The following NPY1R variants were observed in gnomAD, a reference collection of about 807,000 sequenced individuals.
NPY1R encodes neuropeptide Y receptor type 1.
NPY1R carries 10 observed loss-of-function variants against 24.1 expected under a neutral mutation model. That is an observed-to-expected ratio of 0.42 (90% confidence interval 0.26 to 0.71). The LOEUF (loss-of-function observed/expected upper bound fraction) is 0.71, where lower values mean the gene tolerates loss of function less well. Ranked by LOEUF, NPY1R falls within the 30% of genes least tolerant of loss-of-function variation. The pLI is 0.28. For synonymous variants in NPY1R, 168 were observed against 165.9 expected, an observed-to-expected ratio of 1.01 and a Z score of -0.10; for missense variants, 350 against 458.0, an observed-to-expected ratio of 0.76 and a Z score of 2.15.
intron 1 of NPY1R, among the ~76,000 whole-genome samples, chr4:163,332,232 G>A (rs1475330446): frequency 6.6e-6 from 1 of 152,168 alleles, no homozygotes; most frequent in East Asian, 1.9e-4. Context: ...GGAGCAGGTG[G>A]TGGGAAAGCC....
upstream of NPY1R, among the ~76,000 whole-genome samples, chr4:163,337,138 C>G (rs1383732985): frequency 2.6e-5 from 4 of 152,120 alleles, no homozygotes; most frequent in African/African-American, 9.7e-5. Context: ...TCCCCAGATA[C>G]AAATACATCT....
intron 1 of NPY1R, among the ~76,000 whole-genome samples, chr4:163,342,976 T>TCC (rs1735035910): frequency 1.1e-5 from 1 of 92,686 alleles, no homozygotes; most frequent in Non-Finnish European, 2.2e-5. Context: ...TCTCTCTCTC[T>TCC]CACAGACACA....
At chr4:163,334,243 T>G (rs189491230), upstream of NPY1R, among the ~76,000 whole-genome samples, 1 of 152,340 alleles carries the variant, frequency 6.6e-6, no homozygotes, top group East Asian at 1.9e-4. Flanking sequence ...AGTAATTTAA[T>G]TCTCTACTAA....
chr4:163,324,927 C>G lies in NPY1R; in HGVS notation c.*376G>C, dbSNP rs747775513. 1 of 183,956 alleles carries G rather than the reference C, an allele frequency of 5.4e-6. No individual in the cohort carries two copies. The highest frequency in any genetic ancestry group is 1.2e-5 in the Non-Finnish European group (1 of 86,900). 11.4% of individuals were successfully genotyped at this position (183,956 alleles called of 1,614,324 possible). ...TGTTGACAATCTAATCTAATCTAAT[C>G]TAATCAAGATGACCCAATCTAATGA... is the stretch of plus-strand genomic sequence containing the variant. On this transcript the variant is annotated 3_prime_UTR_variant, in exon 3 of 3. Coordinates refer to ENST00000296533, the MANE Select transcript of NPY1R (RefSeq NM_000909.6).
At chr4:163,326,780 T>A (rs1168185384) in intron 1 of NPY1R, 75 bp from the exon 2 acceptor site, 9 of 404,846 alleles carry the variant, frequency 2.2e-5, no homozygotes, top group Non-Finnish European at 3.5e-5. Flanking sequence ...CTCACAGAAC[T>A]CTTTAAAGTG....
intron 1 of NPY1R, among the ~76,000 whole-genome samples, chr4:163,329,564 G>A (rs998208136): frequency 1.3e-5 from 2 of 151,284 alleles, no homozygotes; most frequent in African/African-American, 2.4e-5. Flanking sequence ...TCAGGCCACC[G>A]CACTCCAGCC....
chr4:163,341,940 A>T lies in NPY1R; in HGVS notation c.-152+2365T>A, dbSNP rs142559227. ...TCCTCTTTATGTAGCATATTGCTTAAATTTGTAAATTTATAATTTCCTCAA... is the reference window on the plus strand; with the variant it reads ...TCCTCTTTATGTAGCATATTGCTTATATTTGTAAATTTATAATTTCCTCAA... On this transcript the variant is annotated intron_variant, in intron 1 of 1. Coordinates refer to the NPY1R transcript ENST00000511901. 8.0e-3 allele frequency among the ~76,000 whole-genome samples: 1,142 copies of T among 142,252 alleles called. 14 individuals carry two copies. The highest frequency in any genetic ancestry group is 0.026 in the African/African-American group (1,063 of 40,912). 93.3% of individuals were successfully genotyped at this position (142,252 alleles called of 152,430 possible). A position where few individuals can be genotyped will look rare whatever the true frequency, so the allele number is the denominator to read the frequency against.
intron 1 of NPY1R, among the ~76,000 whole-genome samples, chr4:163,342,085 A>G (rs1734999269): frequency 6.6e-6 from 1 of 152,218 alleles, no homozygotes; most frequent in Non-Finnish European, 1.5e-5. Context: ...GTGCAGTGGG[A>G]AGGGAAAATA....
upstream of NPY1R, among the ~76,000 whole-genome samples, chr4:163,333,668 C>G (rs28431810): frequency 0.063 from 9,609 of 152,164 alleles, 695 homozygotes; most frequent in East Asian, 0.34. Context: ...AATTCCAAGA[C>G]AAGTGGACTC....
chr4:163,342,064 C>G (rs1234783858), intron 1 of NPY1R, among the ~76,000 whole-genome samples: 1 of 152,138 alleles, frequency 6.6e-6, no homozygotes, highest in South Asian at 2.1e-4. Flanking sequence ...TTGAGACTTG[C>G]TTGTTTGTGG....
intron 1 of NPY1R, among the ~76,000 whole-genome samples, chr4:163,332,113 A>T (rs1249346142): frequency 1.3e-5 from 2 of 152,232 alleles, no homozygotes; most frequent in Non-Finnish European, 2.9e-5. Context: ...ACACGTAAGG[A>T]AAATGAGCGG....
intron 1 of NPY1R, 88 bp from the exon 2 acceptor site, chr4:163,326,793 A>G (rs1734619721): frequency 2.6e-6 from 1 of 377,458 alleles, no homozygotes; most frequent in Non-Finnish European, 4.7e-6. Flanking sequence ...TTAAAGTGAA[A>G]ACACTGAAAT....
At chr4:163,338,474 G>A (rs890220696) in intron 1 of NPY1R, among the ~76,000 whole-genome samples, 1 of 151,972 alleles carries the variant, frequency 6.6e-6, no homozygotes, top group Non-Finnish European at 1.5e-5. Flanking sequence ...TTGTTGCTGA[G>A]TGACATCACC....
In NPY1R at chr4:163,325,291, C is replaced by G. The variant is rs746772786; in HGVS notation, c.*12G>C. On this transcript the variant is annotated 3_prime_UTR_variant, in exon 3 of 3. Coordinates refer to ENST00000296533, the MANE Select transcript of NPY1R (RefSeq NM_000909.6). ...AACAGATGTCATCCGGGACCATAGG[C>G]TATAAGTAGTTTCAGATTTTTTCAT... The G allele has an allele frequency of 1.9e-6, 3 of 1,582,542 alleles. No homozygotes were observed. The Admixed American group carries it at 5.2e-5, about 27-fold the overall frequency.
intron 1 of NPY1R, among the ~76,000 whole-genome samples, chr4:163,328,288 C>A (rs1036640741): frequency 4.6e-5 from 7 of 152,186 alleles, no homozygotes; most frequent in African/African-American, 1.7e-4. Flanking sequence ...ATGTGATAAC[C>A]ACACTTTGTC....
chr4:163,343,576 C>CA (rs772076778), intron 1 of NPY1R, among the ~76,000 whole-genome samples: 7 of 152,106 alleles, frequency 4.6e-5, no homozygotes, highest in Non-Finnish European at 7.4e-5. Flanking sequence ...GGGGCACAGC[C>CA]ATCCTCACAC....
chr4:163,326,372 C>T lies in NPY1R; in HGVS notation c.183G>A (p.Leu61=), dbSNP rs1560855819. The T allele has an allele frequency of 6.2e-7, 1 of 1,614,054 alleles. No homozygotes were observed. Among genetic ancestry groups the T allele is most frequent in the Non-Finnish European group, 8.5e-7 (1 of 1,179,958 alleles). The change falls in exon 2 of 3, where the codon TTG becomes TTA. Residue 61 remains leucine (L), a synonymous_variant. Coordinates refer to ENST00000296533, the MANE Select transcript of NPY1R (RefSeq NM_000909.6). ...IILGVSGNLA[L]IIIILKQKEM... is the part of the protein sequence containing the mutation. The stretch of plus-strand genomic sequence containing the variant: ...CCTTTTGTTTCAAGATGATTATGAT[C>T]AAGGCCAGGTTTCCAGAGACACCAA...
At chr4:163,335,306 T>C (rs889719183), upstream of NPY1R, among the ~76,000 whole-genome samples, 1 of 152,212 alleles carries the variant, frequency 6.6e-6, no homozygotes, top group African/African-American at 2.4e-5. Context: ...ACAGTCTTGC[T>C]CTGTGATATA....
chr4:163,325,725 T>C lies in NPY1R; in HGVS notation c.733A>G (p.Met245Val), dbSNP rs193054357. The change falls in exon 3 of 3, where the codon ATG becomes GTG. Residue 245 changes from methionine to valine, a missense_variant. Physicochemically the swap from Met to Val is conservative, Grantham distance 21 (BLOSUM62 1). Coordinates refer to ENST00000296533, the MANE Select transcript of NPY1R (RefSeq NM_000909.6). ...TACTTATTGTCTCTCATCTTGTCCA[T>C]CATGTTGTTTCTCCTTTTTAGGCGT... ...YIRLKRRNNM[M>V]DKMRDNKYRS... 25 of 1,600,536 alleles carry C rather than the reference T, an allele frequency of 1.6e-5. No homozygotes were observed. In the African/African-American group the frequency reaches 3.2e-4, roughly 21 times the overall value.
Sources: allele counts gnomAD v4.1 joint callset (sites outside exome capture counted in the v4.1 genomes callset), GRCh38; gene constraint gnomAD v4.1.1; transcripts MANE v1.5; gene names NCBI Gene and HGNC (gene_info 2026-07-23, HGNC 2026-07-21).